Variants in TRPC4 observed in about 807,000 individuals in gnomAD.
TRPC4 encodes transient receptor potential cation channel subfamily C member 4, also known as short transient receptor potential channel 4.
A neutral mutation model predicts 99.4 loss-of-function variants in TRPC4; 49 were observed. The observed-to-expected ratio is 0.49, with a 90% CI of 0.39 to 0.63. TRPC4 has a LOEUF of 0.63. TRPC4 is among the 20% of genes least tolerant of loss of function. TRPC4 has a pLI of 0.00. For missense variants in TRPC4, 898 were observed against 1,152.9 expected, an observed-to-expected ratio of 0.78 and a Z score of 3.20; for synonymous variants, 454 against 425.9, an observed-to-expected ratio of 1.07 and a Z score of -0.81.
intron 1 of TRPC4, among the ~76,000 whole-genome samples, chr13:37,842,365 AAAAAAGG>A (rs1244002877): frequency 6.3e-5 from 9 of 143,858 alleles, no homozygotes; most frequent in African/African-American, 2.1e-4. Context: ...AAAAAAAAAA[AAAAAAGG>A]AAAAGGAAAA....
rs1490463576 is a variant in TRPC4 at position 37,634,596 on chromosome 13, T to C, written c.*2307A>G. On this transcript the variant is annotated 3_prime_UTR_variant, in exon 11 of 11. Coordinates refer to ENST00000379705, the MANE Select transcript of TRPC4 (RefSeq NM_016179.4). ...AAAAAAGGTTTTGTTGCTTGTACTGTTATTGGTGTTGCTTGACGGAACAGA... is the reference window on the plus strand; with the variant it reads ...AAAAAAGGTTTTGTTGCTTGTACTGCTATTGGTGTTGCTTGACGGAACAGA... Among the ~76,000 whole-genome samples the C allele has an allele frequency of 6.6e-6, 1 of 152,060 alleles. No individual in the cohort carries two copies. The highest frequency in any genetic ancestry group is 2.4e-5 in the African/African-American group (1 of 41,422).
At chr13:37,686,141 A>G (rs931594950) in intron 4 of TRPC4, among the ~76,000 whole-genome samples, 1 of 152,084 alleles carries the variant, frequency 6.6e-6, no homozygotes, top group African/African-American at 2.4e-5. Flanking sequence ...AATTGTGAGA[A>G]TATTGTTTGG....
intron 1 of TRPC4, among the ~76,000 whole-genome samples, chr13:37,849,198 C>T (rs145551998): frequency 2.0e-5 from 3 of 152,234 alleles, no homozygotes; most frequent in African/African-American, 7.2e-5. Flanking sequence ...ATTACTATGC[C>T]ATCTAGCTTA....
intron 3 of TRPC4, among the ~76,000 whole-genome samples, chr13:37,728,708 G>T (rs1955143003): frequency 6.6e-6 from 1 of 151,958 alleles, no homozygotes; most frequent in East Asian, 1.9e-4. Context: ...AATCTCAAGG[G>T]ACCCTGAGAG....
Position 37,637,277 on chromosome 13 carries a change from G to T in TRPC4, c.2560C>A (p.Gln854Lys). ...NFGLFHRRSKQNAAEQNANQI... is the reference protein window; with the variant it reads ...NFGLFHRRSKKNAAEQNANQI... ...TTTGCATTTTGCTCAGCAGCATTTTGTTTTGATCGTCTATGAAATAACCCA... is the reference window on the plus strand; with the variant it reads ...TTTGCATTTTGCTCAGCAGCATTTTTTTTTGATCGTCTATGAAATAACCCA... The change falls in exon 11 of 11, where the codon CAA (glutamine) becomes AAA (lysine). Residue 854 changes from glutamine (Q) to lysine (K), a missense_variant. Gln to Lys is a moderately conservative substitution (Grantham distance 53). Transcript: ENST00000379705. The T allele has an allele frequency of 6.2e-7, 1 of 1,613,848 alleles. No individual in the cohort carries two copies. Among genetic ancestry groups the T allele is most frequent in the Non-Finnish European group, 8.5e-7 (1 of 1,179,840 alleles).
chr13:37,683,624 G>C (rs1039581448), intron 4 of TRPC4, among the ~76,000 whole-genome samples: 2 of 152,114 alleles, frequency 1.3e-5, no homozygotes, highest in Non-Finnish European at 2.9e-5. Flanking sequence ...AGGTGGCTCA[G>C]TAATAGCCAG....
rs867926373 is a variant in TRPC4, at chr13:37,737,198, T to C, written c.897+8739A>G. ...TTCTGCATATGCTTATCCTTTTATA[T>C]TGGGGACCCAGGAACAGACAAAAAA... On this transcript the variant is annotated intron_variant, in intron 3 of 10. Coordinates refer to ENST00000379705, the MANE Select transcript of TRPC4 (RefSeq NM_016179.4). Among the ~76,000 whole-genome samples the C allele has an allele frequency of 8.6e-5, 13 of 151,054 alleles. No individual in the cohort carries two copies. The South Asian group carries it at 2.5e-3, about 29-fold the overall frequency.
chr13:37,782,438 C>T (rs1428334879), intron 2 of TRPC4, among the ~76,000 whole-genome samples: 1 of 152,008 alleles, frequency 6.6e-6, no homozygotes, highest in Non-Finnish European at 1.5e-5. Flanking sequence ...CTTTAAGTCT[C>T]AATTTAAAAG....
chr13:37,848,026 C>T (rs1042271784), intron 1 of TRPC4, among the ~76,000 whole-genome samples: 1 of 152,102 alleles, frequency 6.6e-6, no homozygotes, highest in Non-Finnish European at 1.5e-5. Flanking sequence ...TGGCCTACAA[C>T]TTACAATGGT....
chr13:37,736,118 C>T (rs1955387011), intron 3 of TRPC4, among the ~76,000 whole-genome samples: 1 of 152,166 alleles, frequency 6.6e-6, no homozygotes, highest in African/African-American at 2.4e-5. Flanking sequence ...AATTAAATGC[C>T]TAATGACTTG....
chr13:37,750,486 T>A (rs1955903595), intron 2 of TRPC4, among the ~76,000 whole-genome samples: 1 of 152,178 alleles, frequency 6.6e-6, no homozygotes, highest in African/African-American at 2.4e-5. Flanking sequence ...GAATTTTGTC[T>A]AATGCCTTTT....
intron 3 of TRPC4, among the ~76,000 whole-genome samples, chr13:37,718,606 T>C (rs1954756368): frequency 6.6e-6 from 1 of 151,986 alleles, no homozygotes; most frequent in Non-Finnish European, 1.5e-5. Flanking sequence ...AGTGGAAAGT[T>C]CAGAACTGAA....
intron 1 of TRPC4, among the ~76,000 whole-genome samples, chr13:37,846,656 A>C (rs920585520): frequency 6.6e-6 from 1 of 151,648 alleles, no homozygotes; most frequent in Non-Finnish European, 1.5e-5. Context: ...AGAAAAAAAA[A>C]CATATAAAAT....
chr13:37,718,908 T>C (rs58676099), intron 3 of TRPC4, among the ~76,000 whole-genome samples: 2,449 of 151,904 alleles, frequency 0.016, 54 homozygotes, highest in African/African-American at 0.055. Context: ...ATACATAAAT[T>C]TACGGAATCA....
rs1302669629 is a variant in TRPC4, at chr13:37,632,354, A to T, written c.*4549T>A. ...ACTTCATAAATACTATCAGTTCAAT[A>T]TGTAGCCAACATAAAATATTTATGA... On this transcript the variant is annotated 3_prime_UTR_variant, in exon 11 of 11. Transcript: ENST00000379705. Among the ~76,000 whole-genome samples, 1 of 152,226 alleles carries T rather than the reference A, an allele frequency of 6.6e-6. No individual in the cohort carries two copies. Among genetic ancestry groups the T allele is most frequent in the African/African-American group, 2.4e-5 (1 of 41,462 alleles).
intron 3 of TRPC4, among the ~76,000 whole-genome samples, chr13:37,707,669 C>T (rs1477895094): frequency 6.6e-6 from 1 of 152,098 alleles, no homozygotes; most frequent in African/African-American, 2.4e-5. Context: ...ATGATTCAGG[C>T]AGTCCTATAG....
At chr13:37,675,886 T>C (rs1309125073) in intron 4 of TRPC4, among the ~76,000 whole-genome samples, 2 of 152,082 alleles carry the variant, frequency 1.3e-5, no homozygotes, top group African/African-American at 4.8e-5. Flanking sequence ...TGACAACCAC[T>C]GGAGGAAGGG....
chr13:37,825,791 A>C (rs1449546060), intron 1 of TRPC4, among the ~76,000 whole-genome samples: 6 of 151,682 alleles, frequency 4.0e-5, no homozygotes, highest in Admixed American at 1.3e-4. Flanking sequence ...TATTAGGTCC[A>C]CTTGGTGCAG....
chr13:37,849,325 T>C (rs958494106), intron 1 of TRPC4, among the ~76,000 whole-genome samples: 2 of 152,170 alleles, frequency 1.3e-5, no homozygotes, highest in Non-Finnish European at 2.9e-5. Flanking sequence ...TGAATCTAGG[T>C]GCTTGTGACT....
Sources: gnomAD v4.1 joint callset for allele counts (sites outside exome capture counted in the v4.1 genomes callset) on GRCh38, gnomAD v4.1.1 for gene constraint, MANE v1.5 for transcripts, NCBI Gene and HGNC (gene_info 2026-07-23, HGNC 2026-07-21) for gene names.